The following ZFPM2 variants were observed in gnomAD, a reference collection of about 807,000 sequenced individuals.
ZFPM2 encodes the protein zinc finger protein, FOG family member 2.
In ZFPM2, 20 loss-of-function variants were observed where a neutral mutation model predicts 98.6. The observed-to-expected ratio is 0.20, with a 90% confidence interval of 0.14 to 0.29. The LOEUF is 0.29. Ranked by LOEUF, ZFPM2 falls within the 10% of genes least tolerant of loss-of-function variation. ZFPM2 has a pLI of 1.00. For missense variants in ZFPM2, 1,310 were observed against 1,388.6 expected (o/e 0.94, Z 0.90); for synonymous variants, 518 against 502.7 (o/e 1.03, Z -0.41).
At chr8:105,385,687 A>T (rs1810973795) in intron 1 of ZFPM2, among the ~76,000 whole-genome samples, 1 of 152,118 alleles carries the variant, frequency 6.6e-6, no homozygotes. Context: ...TCACTCTTAG[A>T]TCTCTCTTGG....
At chr8:105,713,968 G>A (rs117756383) in intron 5 of ZFPM2, among the ~76,000 whole-genome samples, 2,534 of 151,922 alleles carry the variant, frequency 0.017, 46 homozygotes, top group South Asian at 0.029. Flanking sequence ...ATGAACTTTC[G>A]AATAGTTTTT....
At chr8:105,734,204 G>T (rs1344510171) in intron 5 of ZFPM2, among the ~76,000 whole-genome samples, 3 of 151,788 alleles carry the variant, frequency 2.0e-5, no homozygotes, top group Non-Finnish European at 4.4e-5. Flanking sequence ...ATAGTTATGA[G>T]GTATTTTATC....
intron 2 of ZFPM2, among the ~76,000 whole-genome samples, chr8:105,428,768 G>C (rs771614616): frequency 6.6e-6 from 1 of 152,192 alleles, no homozygotes; most frequent in Non-Finnish European, 1.5e-5. Context: ...TGTTTGCAGG[G>C]AAAGCTCTGG....
intron 3 of ZFPM2, among the ~76,000 whole-genome samples, chr8:105,543,948 T>G (rs73306228): frequency 6.6e-6 from 1 of 152,080 alleles, no homozygotes; most frequent in Admixed American, 6.6e-5. Context: ...GCTGTAGATA[T>G]TCTGATGGAC....
intron 5 of ZFPM2, among the ~76,000 whole-genome samples, chr8:105,773,504 A>T (rs2131095277): frequency 6.6e-6 from 1 of 152,144 alleles, no homozygotes; most frequent in East Asian, 1.9e-4. Context: ...AATAGTTTTT[A>T]AAAATAAAAT....
intron 3 of ZFPM2, among the ~76,000 whole-genome samples, chr8:105,559,723 AAGG>A (rs1242863211): frequency 6.6e-6 from 1 of 152,180 alleles, no homozygotes; most frequent in African/African-American, 2.4e-5. Context: ...AAACTATTAA[AAGG>A]AGGTGACACT....
chr8:105,595,469 C>A lies in ZFPM2; in HGVS notation c.420+33988C>A, dbSNP rs138061618. 1.6e-4 allele frequency among the ~76,000 whole-genome samples: 24 copies of A among 152,164 alleles called. No individual in the cohort carries two copies. In the East Asian group the frequency reaches 4.6e-3, roughly 29 times the overall value. On this transcript the variant is annotated intron_variant, in intron 4 of 7. Coordinates refer to ENST00000407775, the MANE Select transcript of ZFPM2 (RefSeq NM_012082.4). ...ATTAAACATTTTACTGTCTCAGATG[C>A]CCACAGAAGGCTTCCAGAAGGTGAT...
Position 105,447,316 on chromosome 8 carries a change from C to CA in ZFPM2, c.301+2946dup, listed in dbSNP as rs1020284993. 9.7e-4 allele frequency among the ~76,000 whole-genome samples: 130 copies of CA among 134,160 alleles called. 1 individual carries two copies. The highest frequency in any genetic ancestry group is 2.4e-3 in the South Asian group (10 of 4,146). The allele number at this position is 134,160 out of a possible 152,430, so 88.0% of individuals were successfully genotyped here. On this transcript the variant is annotated intron_variant, in intron 3 of 7. Coordinates refer to ENST00000407775, the MANE Select transcript of ZFPM2 (RefSeq NM_012082.4). ...TTTGGCAAAAAATTTGGAAGTTTGGCAAAAAAAAAAACCAAAAACCTGTTC... is the reference window on the plus strand; with the variant it reads ...TTTGGCAAAAAATTTGGAAGTTTGGCAAAAAAAAAAAACCAAAAACCTGTTC...
rs1379653890 is a variant in ZFPM2 at position 105,802,598 on chromosome 8, A to G, written c.2516A>G (p.Gln839Arg). 1 of 1,610,536 alleles carries G rather than the reference A, an allele frequency of 6.2e-7. No homozygotes were observed. The highest frequency in any genetic ancestry group is 8.5e-7 in the Non-Finnish European group (1 of 1,178,402). ...GATCTCAGCAAAAAGTGTTTATCTC[A>G]GTCTGAGCGGACGACCACGTCTCCC... ...PIDLSKKCLSQSERTTTSPKR... is the reference protein window; with the variant it reads ...PIDLSKKCLSRSERTTTSPKR... The change falls in exon 8 of 8, where the codon CAG becomes CGG. Residue 839 changes from glutamine to arginine, a missense_variant. Transcript: ENST00000407775.
At chr8:105,704,124 TC>T (rs1811204711) in intron 5 of ZFPM2, among the ~76,000 whole-genome samples, 1 of 152,074 alleles carries the variant, frequency 6.6e-6, no homozygotes, top group African/African-American at 2.4e-5. Context: ...TCTCTCTCTC[TC>T]TCTCTCTCAA....
chr8:105,576,952 T>A (rs1815480977), intron 4 of ZFPM2, among the ~76,000 whole-genome samples: 1 of 152,176 alleles, frequency 6.6e-6, no homozygotes, highest in Admixed American at 6.5e-5. Flanking sequence ...TATAGTGGTA[T>A]GTTATTTTTA....
At chr8:105,655,678 ATAACAACATGTT>A (rs1381565917) in intron 5 of ZFPM2, among the ~76,000 whole-genome samples, 2 of 152,362 alleles carry the variant, frequency 1.3e-5, no homozygotes, top group Non-Finnish European at 1.5e-5. Context: ...ACCCTCTACC[ATAACAACATGTT>A]AAATCACTGT....
At chr8:105,425,891 A>C (rs2130115736) in intron 2 of ZFPM2, among the ~76,000 whole-genome samples, 1 of 152,256 alleles carries the variant, frequency 6.6e-6, no homozygotes, top group Non-Finnish European at 1.5e-5. Flanking sequence ...TGGGAGTAGT[A>C]ACCGTTGTTT....
At chr8:105,394,956 C>A (rs978377859) in intron 1 of ZFPM2, among the ~76,000 whole-genome samples, 1 of 152,178 alleles carries the variant, frequency 6.6e-6, no homozygotes, top group Non-Finnish European at 1.5e-5. Context: ...GTCAAACAGT[C>A]TTTTCTGGTC....
intron 6 of ZFPM2, among the ~76,000 whole-genome samples, chr8:105,793,648 G>T (rs1371681755): frequency 6.6e-6 from 1 of 152,018 alleles, no homozygotes; most frequent in East Asian, 1.9e-4. Flanking sequence ...GCTAGATTGG[G>T]GAAGTTCTCC....
intron 5 of ZFPM2, among the ~76,000 whole-genome samples, chr8:105,652,519 T>C (rs1243445050): frequency 1.3e-5 from 2 of 151,908 alleles, no homozygotes; most frequent in Non-Finnish European, 2.9e-5. Context: ...TATGCATGTA[T>C]TTCTAGCTAC....
chr8:105,701,241 C>T (rs562205116), intron 5 of ZFPM2, among the ~76,000 whole-genome samples: 27 of 152,234 alleles, frequency 1.8e-4, no homozygotes, highest in African/African-American at 6.5e-4. Context: ...GGATTTTCTA[C>T]TTGGAAAAAG....
intron 5 of ZFPM2, among the ~76,000 whole-genome samples, chr8:105,763,570 T>C (rs1331378697): frequency 1.3e-5 from 2 of 151,878 alleles, no homozygotes; most frequent in Non-Finnish European, 2.9e-5. Context: ...TTCAACCTTG[T>C]GCTATGTCCT....
chr8:105,521,121 GTATATATATA>G (rs747838581), intron 3 of ZFPM2, among the ~76,000 whole-genome samples: 45 of 132,826 alleles, frequency 3.4e-4, no homozygotes, highest in African/African-American at 1.4e-3. Context: ...GTGTATGTGT[GTATATATATA>G]TACACACACA....
Sources: gnomAD v4.1 joint callset for allele counts (sites outside exome capture counted in the v4.1 genomes callset) on GRCh38, gnomAD v4.1.1 for gene constraint, MANE v1.5 for transcripts, NCBI Gene and HGNC (gene_info 2026-07-23, HGNC 2026-07-21) for gene names.